Variants in DPP6 observed in about 807,000 individuals in gnomAD.
DPP6 encodes the protein A-type potassium channel modulatory protein DPP6.
DPP6 carries 69 observed loss-of-function variants against 122.6 expected under a neutral mutation model. The ratio of observed to expected loss-of-function variants is 0.56; its 90% CI spans 0.46 to 0.69. The LOEUF (loss-of-function observed/expected upper bound fraction) is 0.69. Ranked by LOEUF, DPP6 falls within the 30% of genes least tolerant of loss-of-function variation. DPP6 has a pLI of 0.00. For synonymous variants in DPP6, 418 were observed against 433.1 expected, an observed-to-expected ratio of 0.97 and a Z score of 0.43; for missense variants, 928 against 1,116.9, an observed-to-expected ratio of 0.83 and a Z score of 2.41.
At chr7:154,620,236 A>G (rs1834549860) in intron 5 of DPP6, among the ~76,000 whole-genome samples, 1 of 152,232 alleles carries the variant, frequency 6.6e-6, no homozygotes, top group South Asian at 2.1e-4. Context: ...CAGTGTAAAT[A>G]TGGAAAGATT....
chr7:153,912,897 G>C (rs1301516396), intron 1 of DPP6, among the ~76,000 whole-genome samples: 1 of 152,114 alleles, frequency 6.6e-6, no homozygotes, highest in Non-Finnish European at 1.5e-5. Flanking sequence ...AAGAAAAATA[G>C]TAAACCTCTG....
At chr7:154,456,740 G>GGGAGATTTGACACAGACAAAGGAGGA (rs1820867233) in intron 2 of DPP6, among the ~76,000 whole-genome samples, 1 of 26,308 alleles carries the variant, frequency 3.8e-5, no homozygotes, top group African/African-American at 1.1e-4. Context: ...AAGGAAATAA[G>GGGAGATTTGACACAGACAAAGGAGGA]AATGCTTGTG....
intron 16 of DPP6, among the ~76,000 whole-genome samples, chr7:154,823,158 T>C (rs1007979276): frequency 1.3e-5 from 2 of 152,164 alleles, no homozygotes; most frequent in Admixed American, 6.5e-5. Context: ...AGACATTATT[T>C]TTTTTGCCCT....
At chr7:154,800,813 T>A (rs1798315192) in intron 12 of DPP6, among the ~76,000 whole-genome samples, 1 of 152,206 alleles carries the variant, frequency 6.6e-6, no homozygotes, top group South Asian at 2.1e-4. Flanking sequence ...GCCTTCTTGA[T>A]GGGCTATTCA....
chr7:154,183,114 C>T (rs777157494), intron 1 of DPP6, among the ~76,000 whole-genome samples: 12 of 152,132 alleles, frequency 7.9e-5, no homozygotes, highest in East Asian at 7.7e-4. Flanking sequence ...GTTGTTGAGT[C>T]CCCAGCTGGC....
At chr7:154,413,001 C>T (rs1297690155) in intron 1 of DPP6, among the ~76,000 whole-genome samples, 1 of 152,226 alleles carries the variant, frequency 6.6e-6, no homozygotes, top group East Asian at 1.9e-4. Flanking sequence ...GTCCAAGAGG[C>T]ATCAGCATCC....
chr7:153,820,977 G>A, the DPP6 span, among the ~76,000 whole-genome samples: 18 of 148,226 alleles, frequency 1.2e-4, no homozygotes, highest in African/African-American at 3.7e-4. Context: ...CATTGACACC[G>A]GCAAAATTGC....
chr7:153,977,617 T>C (rs1237391537), intron 1 of DPP6, among the ~76,000 whole-genome samples: 1 of 152,196 alleles, frequency 6.6e-6, no homozygotes, highest in African/African-American at 2.4e-5. Flanking sequence ...GTGCAGTTTG[T>C]TATGTAGGTA....
chr7:153,849,842 T>C, the DPP6 span, among the ~76,000 whole-genome samples: 1 of 152,214 alleles, frequency 6.6e-6, no homozygotes, highest in African/African-American at 2.4e-5. Context: ...GTATTTTCTT[T>C]ACAAACATTT....
At chr7:154,809,090 A>T (rs753777343) in intron 16 of DPP6, among the ~76,000 whole-genome samples, 15 of 152,204 alleles carry the variant, frequency 9.9e-5, no homozygotes, top group Non-Finnish European at 2.2e-4. Flanking sequence ...TACTATAACC[A>T]GCAAGAAGGG....
chr7:154,102,054 C>G (rs1005462957), intron 1 of DPP6, among the ~76,000 whole-genome samples: 6 of 151,928 alleles, frequency 3.9e-5, no homozygotes, highest in East Asian at 1.9e-4. Flanking sequence ...CCTGCCTCCT[C>G]TAAGATTTTC....
chr7:153,865,484 A>G, the DPP6 span, among the ~76,000 whole-genome samples: 1 of 152,266 alleles, frequency 6.6e-6, no homozygotes, highest in Non-Finnish European at 1.5e-5. Flanking sequence ...CCTCATAACT[A>G]CAGCTTGGGG....
At chr7:154,628,398 G>C (rs1835213979) in intron 5 of DPP6, among the ~76,000 whole-genome samples, 1 of 152,188 alleles carries the variant, frequency 6.6e-6, no homozygotes, top group Non-Finnish European at 1.5e-5. Context: ...TGTCTGTGCA[G>C]AATACTTCCA....
At chr7:154,577,375 G>C (rs919360651) in intron 5 of DPP6, among the ~76,000 whole-genome samples, 27 of 152,312 alleles carry the variant, frequency 1.8e-4, no homozygotes, top group Non-Finnish European at 2.4e-4. Flanking sequence ...CTCCAGGAGA[G>C]ACTGCTGGTG....
In DPP6 at chr7:154,749,867, A is replaced by T. The variant is rs1340865748; in HGVS notation, c.884-19550A>T. ...AGGACGGGAAAGAGAGGGATGGGGCATTACTGAGAGAGGGTGAGAGAGCAT... is the reference window on the plus strand; with the variant it reads ...AGGACGGGAAAGAGAGGGATGGGGCTTTACTGAGAGAGGGTGAGAGAGCAT... On this transcript the variant is annotated intron_variant, in intron 8 of 25. Coordinates refer to ENST00000377770, the MANE Select transcript of DPP6 (RefSeq NM_130797.4). 5.9e-5 allele frequency among the ~76,000 whole-genome samples: 7 copies of T among 119,458 alleles called. No homozygotes were observed. The South Asian group carries it at 9.2e-4, about 16-fold the overall frequency. 78.4% of individuals were successfully genotyped at this position (119,458 alleles called of 152,430 possible). A position where few individuals can be genotyped will look rare whatever the true frequency, so the allele number is the denominator to read the frequency against.
chr7:154,402,788 A>G (rs1399170480), intron 1 of DPP6, among the ~76,000 whole-genome samples: 1 of 139,210 alleles, frequency 7.2e-6, no homozygotes, highest in Admixed American at 6.8e-5. Context: ...AAAAATAAAA[A>G]TAAAAATAAA....
chr7:154,769,507 T>C lies in DPP6; in HGVS notation c.974T>C (p.Ile325Thr), dbSNP rs774156787. ...GCCATCAATGATTCCCGTGTCCCCA[T>C]CATGGAGCTCCCAACTTACACCGGC... The part of the protein sequence containing the change: ...YAAINDSRVP[I>T]MELPTYTGSI... Residue 325 changes from isoleucine to threonine, a missense_variant, in exon 9 of 26, where the codon ATC becomes ACC. Ile to Thr is a moderately conservative substitution (Grantham distance 89, BLOSUM62 -1). Coordinates refer to ENST00000377770, the MANE Select transcript of DPP6 (RefSeq NM_130797.4). 30 of 1,613,578 alleles carry C rather than the reference T, an allele frequency of 1.9e-5. No individual in the cohort carries two copies. In the East Asian group the frequency reaches 6.7e-4, roughly 36 times the overall value.
intron 1 of DPP6, among the ~76,000 whole-genome samples, chr7:154,123,955 G>A (rs1807691559): frequency 6.6e-6 from 1 of 151,756 alleles, no homozygotes; most frequent in East Asian, 1.9e-4. Context: ...TGGGACAGAC[G>A]TGCCACCCAC....
intron 7 of DPP6, among the ~76,000 whole-genome samples, chr7:154,703,618 CAAA>C (rs56393329): frequency 1.9e-4 from 22 of 117,394 alleles, no homozygotes; most frequent in Non-Finnish European, 2.0e-4. Context: ...CACTCTGTCT[CAAA>C]AAAAAAAAAA....
Sources: allele counts gnomAD v4.1 joint callset (sites outside exome capture counted in the v4.1 genomes callset), GRCh38; gene constraint gnomAD v4.1.1; transcripts MANE v1.5; gene names NCBI Gene and HGNC (gene_info 2026-07-23, HGNC 2026-07-21).